DENND1B: variants seen among roughly 807,000 people sequenced by gnomAD.
DENND1B encodes DENN domain containing 1B.
Under a neutral mutation model 90.1 loss-of-function variants are expected in DENND1B, and 59 were observed. The ratio of observed to expected loss-of-function variants is 0.65; its 90% CI spans 0.53 to 0.81. The LOEUF (loss-of-function observed/expected upper bound fraction) is 0.81, where lower values mean the gene tolerates loss of function less well. Ranked by LOEUF, DENND1B falls within the 40% of genes least tolerant of loss-of-function variation. DENND1B has a pLI of 0.00. For synonymous variants in DENND1B, 337 were observed against 324.6 expected (o/e 1.04, Z -0.41); for missense variants, 862 against 912.6 (o/e 0.94, Z 0.71).
chr1:197,739,733 T>C (rs890390047), intron 2 of DENND1B, among the ~76,000 whole-genome samples: 1 of 152,118 alleles, frequency 6.6e-6, no homozygotes, highest in Non-Finnish European at 1.5e-5. Flanking sequence ...TATATTAAAA[T>C]CTTTCAAAAC....
At chr1:197,605,399 T>C (rs1210905974) in intron 13 of DENND1B, 1 of 151,002 alleles carries the variant, frequency 6.6e-6, no homozygotes, top group Non-Finnish European at 1.5e-5. Flanking sequence ...TCAAAGATTA[T>C]TTTTTCAAGA....
chr1:197,762,872 C>T (rs1054933102), intron 2 of DENND1B, among the ~76,000 whole-genome samples: 1 of 152,136 alleles, frequency 6.6e-6, no homozygotes, highest in African/African-American at 2.4e-5. Context: ...TTGTAGCACA[C>T]GGCATTATCT....
chr1:197,714,984 C>G, intron 3 of DENND1B, 47 bp downstream of exon 3: 1 of 1,411,790 alleles, frequency 7.1e-7, no homozygotes, highest in Non-Finnish European at 1.0e-6. Flanking sequence ...TAGCAACAAT[C>G]ATAATACTTC....
intron 14 of DENND1B, among the ~76,000 whole-genome samples, chr1:197,590,756 T>G (rs1283747089): frequency 6.6e-6 from 1 of 152,140 alleles, no homozygotes; most frequent in Non-Finnish European, 1.5e-5. Context: ...CATCCACTGG[T>G]TCCCCAGTAC....
In DENND1B at chr1:197,623,770, ACAT is replaced by A. The variant is rs138469197; in HGVS notation, c.673-6014_673-6012del. ...TCATTGTCATCTGAGTCCCTAATTT[ACAT>A]CAGAGTTCACACTCTAGGATAAAAC... On this transcript the variant is annotated intron_variant, in intron 10 of 22. Transcript: ENST00000620048. Among the ~76,000 whole-genome samples, 401 of 151,634 alleles carry A rather than the reference ACAT, an allele frequency of 2.6e-3. 1 individual carries two copies. The highest frequency in any genetic ancestry group is 8.1e-3 in the African/African-American group (336 of 41,468).
At chr1:197,693,297 T>G (rs573423720) in intron 3 of DENND1B, among the ~76,000 whole-genome samples, 1 of 151,766 alleles carries the variant, frequency 6.6e-6, no homozygotes, top group Non-Finnish European at 1.5e-5. Flanking sequence ...TGTGACTGTG[T>G]GTTTAAATAA....
chr1:197,580,803 G>A (rs1347170896), intron 15 of DENND1B, among the ~76,000 whole-genome samples: 1 of 152,142 alleles, frequency 6.6e-6, no homozygotes, highest in African/African-American at 2.4e-5. Context: ...CAGAATTACA[G>A]GAACTGGGTC....
chr1:197,663,172 T>C (rs1654593191), intron 5 of DENND1B, among the ~76,000 whole-genome samples: 1 of 152,092 alleles, frequency 6.6e-6, no homozygotes, highest in African/African-American at 2.4e-5. Flanking sequence ...TCTCTGCACA[T>C]AATTTGTTTG....
rs567110560 is a variant in DENND1B, at chr1:197,528,427, T to C, written c.1515+11537A>G. Reference sequence around the variant, plus strand: ...AAATGAACTCATAGCTATTGTGCTATGTTCCACAAATCCATTAGAATGTTT... The same window carrying C: ...AAATGAACTCATAGCTATTGTGCTACGTTCCACAAATCCATTAGAATGTTT... On this transcript the variant is annotated intron_variant, in intron 20 of 22. Coordinates refer to ENST00000620048, the MANE Select transcript of DENND1B (RefSeq NM_001195215.2). Among the ~76,000 whole-genome samples, 25 of 152,328 alleles carry C rather than the reference T, an allele frequency of 1.6e-4. No individual in the cohort carries two copies. The South Asian group carries it at 5.2e-3, about 32-fold the overall frequency.
At chr1:197,688,452 G>T (rs552182417) in intron 3 of DENND1B, among the ~76,000 whole-genome samples, 1 of 152,036 alleles carries the variant, frequency 6.6e-6, no homozygotes, top group Non-Finnish European at 1.5e-5. Context: ...AAAACAGTAC[G>T]GTACTGGCAG....
At chr1:197,561,746 T>G (rs1363010092) in intron 15 of DENND1B, among the ~76,000 whole-genome samples, 1 of 151,952 alleles carries the variant, frequency 6.6e-6, no homozygotes, top group Admixed American at 6.6e-5. Flanking sequence ...CAATTTTAAT[T>G]GAGACAAATA....
At chr1:197,730,745 A>G (rs1215505190) in intron 2 of DENND1B, among the ~76,000 whole-genome samples, 2 of 152,130 alleles carry the variant, frequency 1.3e-5, no homozygotes, top group African/African-American at 2.4e-5. Context: ...AATTTTGCAG[A>G]TTCTAAGGTT....
At chr1:197,675,083 A>G (rs746095123) in intron 3 of DENND1B, among the ~76,000 whole-genome samples, 9 of 152,152 alleles carry the variant, frequency 5.9e-5, no homozygotes, top group Non-Finnish European at 1.0e-4. Context: ...AGACAACATC[A>G]TACAACTTCA....
At chr1:197,571,444 A>G (rs1673144266) in intron 15 of DENND1B, among the ~76,000 whole-genome samples, 1 of 152,144 alleles carries the variant, frequency 6.6e-6, no homozygotes, top group African/African-American at 2.4e-5. Flanking sequence ...GGTCTTTGTA[A>G]CAATTCTCTC....
At chr1:197,753,287 G>T (rs1220294457) in intron 2 of DENND1B, among the ~76,000 whole-genome samples, 1 of 151,866 alleles carries the variant, frequency 6.6e-6, no homozygotes, top group African/African-American at 2.4e-5. Context: ...CTAATTAATC[G>T]AAATATAAAG....
intron 2 of DENND1B, among the ~76,000 whole-genome samples, chr1:197,729,610 G>A (rs928076003): frequency 5.3e-5 from 8 of 152,218 alleles, no homozygotes; most frequent in African/African-American, 1.4e-4. Flanking sequence ...GAAAGAAATA[G>A]GCAATTAAAT....
chr1:197,614,514 T>C (rs891693589), intron 11 of DENND1B, among the ~76,000 whole-genome samples: 2 of 151,034 alleles, frequency 1.3e-5, no homozygotes, highest in African/African-American at 2.4e-5. Context: ...GCAACACAGA[T>C]GTTTTGTCCT....
At chr1:197,674,070 G>T in intron 4 of DENND1B, 50 bp downstream of exon 4, 2 of 1,245,730 alleles carry the variant, frequency 1.6e-6, no homozygotes, top group Non-Finnish European at 2.3e-6. Flanking sequence ...TCATTTTCAA[G>T]TATGTACTAT....
intron 15 of DENND1B, 141 bp downstream of exon 15, chr1:197,583,011 A>G: frequency 1.5e-6 from 1 of 677,602 alleles, no homozygotes; most frequent in South Asian, 2.1e-5. Context: ...ATAACTAGCT[A>G]CGACTTACAA....
Sources: gnomAD v4.1 joint callset for allele counts (sites outside exome capture counted in the v4.1 genomes callset) on GRCh38, gnomAD v4.1.1 for gene constraint, MANE v1.5 for transcripts, NCBI Gene and HGNC (gene_info 2026-07-23, HGNC 2026-07-21) for gene names.